Variants in CAMK2D observed in about 807,000 individuals in gnomAD.
The protein encoded by CAMK2D is calcium/calmodulin-dependent protein kinase type II subunit delta.
In CAMK2D, 37 loss-of-function variants were observed where a neutral mutation model predicts 84.0. That is an observed-to-expected ratio of 0.44 (90% CI 0.34 to 0.58). CAMK2D has a LOEUF of 0.58. Among genes scored for constraint, CAMK2D ranks in the 20% least tolerant of loss-of-function variants. CAMK2D has a pLI of 0.02. For missense variants in CAMK2D, 448 were observed against 652.5 expected, an observed-to-expected ratio of 0.69 and a Z score of 3.41; for synonymous variants, 202 against 212.5, an observed-to-expected ratio of 0.95 and a Z score of 0.43.
intron 2 of CAMK2D, among the ~76,000 whole-genome samples, chr4:113,743,601 C>T (rs2099597813): frequency 1.3e-5 from 2 of 152,166 alleles, no homozygotes. Flanking sequence ...CTCTTGGTGC[C>T]CGCTGAGGAA....
intron 2 of CAMK2D, among the ~76,000 whole-genome samples, chr4:113,682,059 G>A (rs2099347521): frequency 6.6e-6 from 1 of 152,006 alleles, no homozygotes; most frequent in Admixed American, 6.6e-5. Flanking sequence ...TTCCTTTCTG[G>A]GGAAATTGCT....
chr4:113,585,388 G>A (rs1485868120), intron 4 of CAMK2D, among the ~76,000 whole-genome samples: 2 of 151,906 alleles, frequency 1.3e-5, no homozygotes, highest in Non-Finnish European at 2.9e-5. Context: ...TGTGTGCACG[G>A]ACACAAACAT....
In CAMK2D at chr4:113,497,430, G is replaced by C. The variant is rs574734528; in HGVS notation, c.1135+3033C>G. The stretch of plus-strand genomic sequence containing the variant: ...TTCTCAATGGAAACTAATTAGAAGA[G>C]CTGAAGGAAAATGGGCCTTTAAATC... On this transcript the variant is annotated intron_variant, in intron 16 of 20. Transcript: ENST00000511664. Among the ~76,000 whole-genome samples the C allele has an allele frequency of 1.3e-4, 20 of 152,326 alleles. 1 individual carries two copies. The South Asian group carries it at 4.1e-3, about 32-fold the overall frequency.
chr4:113,456,281 A>G lies in CAMK2D; in HGVS notation c.1536-460T>C, dbSNP rs150629050. Reference sequence around the variant, plus strand: ...TATGAACCCCCATTCCAAATCTCAAATATTAACAGGTGATCCTGGTGAGAG... The same window carrying G: ...TATGAACCCCCATTCCAAATCTCAAGTATTAACAGGTGATCCTGGTGAGAG... On this transcript the variant is annotated intron_variant, in intron 19 of 20. Transcript: ENST00000511664. 1.1e-3 allele frequency among the ~76,000 whole-genome samples: 169 copies of G among 152,302 alleles called. 1 individual carries two copies. The highest frequency in any genetic ancestry group is 3.8e-3 in the African/African-American group (156 of 41,574).
intron 2 of CAMK2D, among the ~76,000 whole-genome samples, chr4:113,718,740 C>CAAGG (rs2099521384): frequency 6.6e-6 from 1 of 152,170 alleles, no homozygotes; most frequent in African/African-American, 2.4e-5. Context: ...CAGGGATGAA[C>CAAGG]AAGGACAGCT....
At chr4:113,679,517 T>C (rs928755075) in intron 2 of CAMK2D, 3 of 828,324 alleles carry the variant, frequency 3.6e-6, no homozygotes, top group African/African-American at 3.7e-5. Flanking sequence ...AAATCAATAA[T>C]AACATGTAAA....
intron 8 of CAMK2D, among the ~76,000 whole-genome samples, chr4:113,530,048 C>T (rs2098447702): frequency 6.6e-6 from 1 of 152,224 alleles, no homozygotes; most frequent in African/African-American, 2.4e-5. Flanking sequence ...TGTAATCTTG[C>T]TGTAGACTGA....
At chr4:113,562,978 C>T (rs2098705393) in intron 4 of CAMK2D, among the ~76,000 whole-genome samples, 1 of 152,130 alleles carries the variant, frequency 6.6e-6, no homozygotes, top group Non-Finnish European at 1.5e-5. Flanking sequence ...TGCATTCTGG[C>T]CGGGCACAGT....
chr4:113,474,498 CTTTTTTTTTTTTT>C (rs70961831), intron 16 of CAMK2D, among the ~76,000 whole-genome samples: 15 of 89,822 alleles, frequency 1.7e-4, no homozygotes, highest in Non-Finnish European at 2.6e-4. Flanking sequence ...CCTTTTTGGC[CTTTTTTTTTTTTT>C]TTTTTTTTTT....
intron 3 of CAMK2D, among the ~76,000 whole-genome samples, chr4:113,630,707 T>C (rs1337470364): frequency 6.6e-6 from 1 of 152,118 alleles, no homozygotes; most frequent in Non-Finnish European, 1.5e-5. Context: ...CCACATTCAC[T>C]GAGAAAAATG....
At chr4:113,516,827 T>C (rs1397677669) in intron 9 of CAMK2D, among the ~76,000 whole-genome samples, 5 of 152,130 alleles carry the variant, frequency 3.3e-5, no homozygotes, top group Admixed American at 2.6e-4. Flanking sequence ...TGGATTTCCA[T>C]AGGGCTGTAT....
intron 4 of CAMK2D, among the ~76,000 whole-genome samples, chr4:113,557,096 C>T (rs1424213620): frequency 6.6e-6 from 1 of 152,114 alleles, no homozygotes; most frequent in Non-Finnish European, 1.5e-5. Context: ...ATCTCCAAAA[C>T]AGGACTTGAA....
chr4:113,529,615 A>C (rs2098444914), intron 8 of CAMK2D, among the ~76,000 whole-genome samples: 1 of 152,188 alleles, frequency 6.6e-6, no homozygotes, highest in East Asian at 1.9e-4. Flanking sequence ...TATTCAAAAT[A>C]TATGTTGAAA....
intron 2 of CAMK2D, among the ~76,000 whole-genome samples, chr4:113,745,790 G>T (rs1246579410): frequency 2.0e-5 from 3 of 152,130 alleles, no homozygotes; most frequent in African/African-American, 7.2e-5. Context: ...CAGAAAGCTG[G>T]CCAAATTCCA....
intron 16 of CAMK2D, among the ~76,000 whole-genome samples, chr4:113,484,673 T>C (rs911668928): frequency 1.3e-5 from 2 of 152,230 alleles, no homozygotes; most frequent in Non-Finnish European, 2.9e-5. Context: ...AACATGCTGT[T>C]ATCAATCAAG....
At chr4:113,599,447 T>A (rs2098942235) in intron 4 of CAMK2D, among the ~76,000 whole-genome samples, 3 of 152,216 alleles carry the variant, frequency 2.0e-5, no homozygotes, top group Admixed American at 1.3e-4. Context: ...TGTCTTTCAT[T>A]GGGTAAGTCA....
intron 3 of CAMK2D, among the ~76,000 whole-genome samples, chr4:113,650,356 A>G (rs1274194861): frequency 6.6e-6 from 1 of 151,428 alleles, no homozygotes; most frequent in Admixed American, 6.6e-5. Context: ...CATCTCTACT[A>G]AAAATACAAA....
intron 3 of CAMK2D, among the ~76,000 whole-genome samples, chr4:113,610,901 C>T (rs1345079427): frequency 3.3e-5 from 5 of 152,054 alleles, no homozygotes; most frequent in Non-Finnish European, 7.4e-5. Context: ...CAACAGGAAC[C>T]ATATTTTATA....
At chr4:113,663,250 C>G (rs931251136) in intron 2 of CAMK2D, among the ~76,000 whole-genome samples, 1 of 152,160 alleles carries the variant, frequency 6.6e-6, no homozygotes, top group African/African-American at 2.4e-5. Flanking sequence ...GAAAATGCCT[C>G]TAACAGCAAT....
Sources: gnomAD v4.1 joint callset for allele counts (sites outside exome capture counted in the v4.1 genomes callset) on GRCh38, gnomAD v4.1.1 for gene constraint, MANE v1.5 for transcripts, NCBI Gene and HGNC (gene_info 2026-07-23, HGNC 2026-07-21) for gene names.